Variants in RYR3 observed in about 807,000 individuals in gnomAD.
The protein encoded by RYR3 is ryanodine receptor 3, also known as brain ryanodine receptor-calcium release channel.
In RYR3, 207 loss-of-function variants were observed where a neutral mutation model predicts 584.3. The ratio of observed to expected loss-of-function variants is 0.35; its 90% CI spans 0.32 to 0.40. RYR3 has a LOEUF of 0.40. Ranked by LOEUF, RYR3 falls within the 10% of genes least tolerant of loss-of-function variation. RYR3 has a pLI of 1.00. For missense variants in RYR3, 5,616 were observed against 6,089.2 expected (o/e 0.92, Z 2.59); for synonymous variants, 2,416 against 2,248.5 (o/e 1.07, Z -2.11).
chr15:33,400,744 G>A (rs866149330), intron 1 of RYR3, among the ~76,000 whole-genome samples: 5 of 152,204 alleles, frequency 3.3e-5, no homozygotes, highest in Admixed American at 6.5e-5. Flanking sequence ...CCAGTGGGGA[G>A]TGGTATTATT....
rs2057420768 is a variant in RYR3 at position 33,561,867 on chromosome 15, C to T, written c.973-970C>T. 2.0e-5 allele frequency among the ~76,000 whole-genome samples: 3 copies of T among 151,372 alleles called. No individual in the cohort carries two copies. The South Asian group carries it at 6.3e-4, about 32-fold the overall frequency. On this transcript the variant is annotated intron_variant, in intron 10 of 103. Transcript: ENST00000634891. ...TGAGCCAAGATTGTACCACTGTCCT[C>T]CAGCCTGGGTGACAGAGTGAGACCC...
rs189718362 is a variant in RYR3 at position 33,518,823 on chromosome 15, A to G, written c.280-11769A>G. Among the ~76,000 whole-genome samples the G allele has an allele frequency of 5.3e-5, 8 of 152,350 alleles. No individual in the cohort carries two copies. In the South Asian group the frequency reaches 8.3e-4, roughly 16 times the overall value. On this transcript the variant is annotated intron_variant, in intron 3 of 103. Transcript: ENST00000634891. ...GCAGCCATGCGAAAAGCACTGTCCA[A>G]GCATTAGACAACTCAAAACAACTCT...
At chr15:33,805,612 G>C (rs2076150987) in intron 69 of RYR3, among the ~76,000 whole-genome samples, 2 of 151,744 alleles carry the variant, frequency 1.3e-5, no homozygotes, top group Non-Finnish European at 1.5e-5. Flanking sequence ...CAAGTAGCTG[G>C]GACTACAGGT....
At chr15:33,717,182 C>T (rs1261672170) in intron 43 of RYR3, among the ~76,000 whole-genome samples, 1 of 152,142 alleles carries the variant, frequency 6.6e-6, no homozygotes, top group South Asian at 2.1e-4. Flanking sequence ...CTTTGAATTC[C>T]ACGTATACAC....
Position 33,475,556 on chromosome 15 carries a change from C to T in RYR3, c.171+2018C>T, listed in dbSNP as rs1884428615. ...GGCAAAGCTCAGGCAGTAATCCTCA[C>T]TCACCTCCTGCTGTGCAGCCTGGTT... On this transcript the variant is annotated intron_variant, in intron 2 of 103. Coordinates refer to ENST00000634891, the MANE Select transcript of RYR3 (RefSeq NM_001036.6). Among the ~76,000 whole-genome samples, 4 of 152,240 alleles carry T rather than the reference C, an allele frequency of 2.6e-5. No homozygotes were observed. In the South Asian group the frequency reaches 8.3e-4, roughly 32 times the overall value.
At chr15:33,477,746 G>A (rs1596307317) in intron 2 of RYR3, among the ~76,000 whole-genome samples, 1 of 145,562 alleles carries the variant, frequency 6.9e-6, no homozygotes, top group East Asian at 2.0e-4. Context: ...GTGGTGGCGG[G>A]CGCCTGTAGT....
At chr15:33,708,119 T>C (rs1265084256) in intron 43 of RYR3, among the ~76,000 whole-genome samples, 1 of 152,170 alleles carries the variant, frequency 6.6e-6, no homozygotes, top group Non-Finnish European at 1.5e-5. Flanking sequence ...CTAACCTCCA[T>C]TTTCTTCTCT....
intron 55 of RYR3, among the ~76,000 whole-genome samples, chr15:33,748,735 C>T (rs561396312): frequency 2.2e-4 from 33 of 152,180 alleles, no homozygotes; most frequent in Admixed American, 2.2e-3. Context: ...TGCGCTTCTT[C>T]TAAGGACTTC....
At chr15:33,328,119 C>T (rs1969954942) in intron 1 of RYR3, among the ~76,000 whole-genome samples, 1 of 152,180 alleles carries the variant, frequency 6.6e-6, no homozygotes, top group Non-Finnish European at 1.5e-5. Flanking sequence ...TCACCTATAG[C>T]ATGTGCCAAA....
intron 36 of RYR3, among the ~76,000 whole-genome samples, chr15:33,667,552 AC>A (rs2063553595): frequency 6.6e-6 from 1 of 151,338 alleles, no homozygotes; most frequent in Non-Finnish European, 1.5e-5. Flanking sequence ...TAGATATAAG[AC>A]CTGCCACTAG....
Position 33,319,834 on chromosome 15 carries a change from G to A in RYR3, c.51+8738G>A, listed in dbSNP as rs773028438. On this transcript the variant is annotated intron_variant, in intron 1 of 103. Transcript: ENST00000634891. The stretch of plus-strand genomic sequence containing the variant: ...TGCCCTATTCCCTGAAAATGTTTCC[G>A]TCAGCCTAAAGTATGAGCCATACAT... Among the ~76,000 whole-genome samples the A allele has an allele frequency of 1.1e-4, 17 of 152,210 alleles. No individual in the cohort carries two copies. In the South Asian group the frequency reaches 1.9e-3, roughly 17 times the overall value.
chr15:33,800,177 GC>G (rs1383100275), intron 67 of RYR3, among the ~76,000 whole-genome samples: 1 of 152,114 alleles, frequency 6.6e-6, no homozygotes, highest in African/African-American at 2.4e-5. Context: ...ATTTTAGAGG[GC>G]ATAGATGAAG....
At chr15:33,374,398 GTATA>G (rs879600567) in intron 1 of RYR3, among the ~76,000 whole-genome samples, 8 of 130,442 alleles carry the variant, frequency 6.1e-5, no homozygotes, top group Non-Finnish European at 1.0e-4. Flanking sequence ...GTGTGTGTGT[GTATA>G]TATATCTCCA....
intron 60 of RYR3, among the ~76,000 whole-genome samples, chr15:33,759,708 T>A (rs2072238172): frequency 6.6e-6 from 1 of 152,172 alleles, no homozygotes; most frequent in Admixed American, 6.5e-5. Flanking sequence ...AGAACCAAGT[T>A]GGAAAACACT....
At chr15:33,367,428 G>A (rs1259410349) in intron 1 of RYR3, among the ~76,000 whole-genome samples, 1 of 152,116 alleles carries the variant, frequency 6.6e-6, no homozygotes, top group Non-Finnish European at 1.5e-5. Context: ...AGTTGGTTTA[G>A]TTTAGGCAAT....
Position 33,810,561 on chromosome 15 carries a change from C to T in RYR3, c.10109C>T (p.Ala3370Val). 2 of 1,614,020 alleles carry T rather than the reference C, an allele frequency of 1.2e-6. No individual in the cohort carries two copies. The highest frequency in any genetic ancestry group is 1.3e-5 in the African/African-American group (1 of 75,052). Residue 3370 changes from alanine to valine, a missense_variant, in exon 71 of 104, where the codon GCA (alanine) becomes GTA (valine). Physicochemically the swap from Ala to Val is moderately conservative, Grantham distance 64. Transcript: ENST00000634891. ...YSIQTSLIVA[A>V]LKKMLPIGLN... ...ATCCAGACCTCCCTCATCGTGGCTG[C>T]ACTCAAGAAAATGCTGCCCATTGGT... is the stretch of plus-strand genomic sequence containing the variant.
chr15:33,696,527 GA>G, intron 39 of RYR3, 36 bp downstream of exon 39: 1 of 1,602,650 alleles, frequency 6.2e-7, no homozygotes, highest in Non-Finnish European at 8.5e-7. Context: ...TTCTCTCTAG[GA>G]GCTTTAAGTG....
intron 89 of RYR3, among the ~76,000 whole-genome samples, chr15:33,840,356 A>G (rs1448335971): frequency 6.6e-6 from 1 of 152,114 alleles, no homozygotes; most frequent in African/African-American, 2.4e-5. Context: ...ATCATGCAAG[A>G]CTCATAGGCT....
intron 57 of RYR3, among the ~76,000 whole-genome samples, chr15:33,751,977 TAA>T (rs1439047302): frequency 1.3e-5 from 2 of 152,206 alleles, no homozygotes; most frequent in East Asian, 3.8e-4. Context: ...CACCATTTAT[TAA>T]ATAGGGAATC....
Sources: gnomAD v4.1 joint callset for allele counts (sites outside exome capture counted in the v4.1 genomes callset) on GRCh38, gnomAD v4.1.1 for gene constraint, MANE v1.5 for transcripts, NCBI Gene and HGNC (gene_info 2026-07-23, HGNC 2026-07-21) for gene names.